Variants in NALF1 observed in about 807,000 individuals in gnomAD.
NALF1 encodes NALCN channel auxiliary factor 1.
In NALF1, 3 loss-of-function variants were observed where a neutral mutation model predicts 48.4. That is an observed-to-expected ratio of 0.06 (90% CI 0.03 to 0.16). NALF1 has a LOEUF of 0.16. NALF1 is among the 10% of genes least tolerant of loss of function. The pLI, the probability that NALF1 is intolerant of heterozygous loss-of-function variation, is 1.00. For synonymous variants in NALF1, 262 were observed against 245.7 expected (o/e 1.07, Z -0.62); for missense variants, 526 against 571.5 (o/e 0.92, Z 0.81).
At chr13:107,650,899 A>C (rs181402534) in intron 1 of NALF1, among the ~76,000 whole-genome samples, 1 of 152,112 alleles carries the variant, frequency 6.6e-6, no homozygotes, top group Non-Finnish European at 1.5e-5. Context: ...AGAGAAGGAA[A>C]TAAGAGACAC....
intron 1 of NALF1, among the ~76,000 whole-genome samples, chr13:107,316,072 A>C (rs866014738): frequency 5.3e-5 from 8 of 151,040 alleles, no homozygotes; most frequent in African/African-American, 1.5e-4. Flanking sequence ...AACAGTCCCC[A>C]GTGTGTGATG....
chr13:107,179,895 C>T (rs910810690), intron 2 of NALF1, among the ~76,000 whole-genome samples: 1 of 146,912 alleles, frequency 6.8e-6, no homozygotes, highest in Non-Finnish European at 1.5e-5. Flanking sequence ...CTACATGTCT[C>T]GGTGTCTTTG....
chr13:107,612,159 G>C (rs1879248642), intron 1 of NALF1, among the ~76,000 whole-genome samples: 1 of 132,042 alleles, frequency 7.6e-6, no homozygotes, highest in Admixed American at 7.6e-5. Context: ...GGGTGGGAGG[G>C]AGAGAGGAAG....
chr13:107,845,904 T>C (rs1334385168), intron 1 of NALF1, among the ~76,000 whole-genome samples: 2 of 152,160 alleles, frequency 1.3e-5, no homozygotes, highest in African/African-American at 2.4e-5. Context: ...ACCTGGAAGA[T>C]AATGGTAGAG....
chr13:107,790,988 G>A (rs1483455359), intron 1 of NALF1, among the ~76,000 whole-genome samples: 2 of 152,056 alleles, frequency 1.3e-5, no homozygotes, highest in African/African-American at 4.8e-5. Context: ...AATCCTGGAA[G>A]GAGATGGTGA....
chr13:107,249,967 T>A (rs1880663891), intron 1 of NALF1, among the ~76,000 whole-genome samples: 1 of 152,094 alleles, frequency 6.6e-6, no homozygotes, highest in Non-Finnish European at 1.5e-5. Context: ...TAGTATCACT[T>A]GATGAGTTTT....
Position 107,406,252 on chromosome 13 carries a change from A to G in NALF1, c.916-195497T>C, listed in dbSNP as rs1477638940. 2.0e-5 allele frequency among the ~76,000 whole-genome samples: 3 copies of G among 152,202 alleles called. No individual in the cohort carries two copies. In the East Asian group the frequency reaches 5.8e-4, roughly 29 times the overall value. ...TTCTTACTTAACAATAATAACATTTAATGTAAATAGATTAAACTTTCCAAT... is the reference window on the plus strand; with the variant it reads ...TTCTTACTTAACAATAATAACATTTGATGTAAATAGATTAAACTTTCCAAT... On this transcript the variant is annotated intron_variant, in intron 1 of 2. Coordinates refer to ENST00000375915, the MANE Select transcript of NALF1 (RefSeq NM_001080396.3).
intron 1 of NALF1, among the ~76,000 whole-genome samples, chr13:107,332,478 A>T (rs1882486962): frequency 6.6e-6 from 1 of 152,226 alleles, no homozygotes; most frequent in African/African-American, 2.4e-5. Flanking sequence ...CCAGTACTGG[A>T]GGCGGCCCTG....
At chr13:107,507,273 T>C (rs1008687964) in intron 1 of NALF1, among the ~76,000 whole-genome samples, 1 of 152,100 alleles carries the variant, frequency 6.6e-6, no homozygotes, top group African/African-American at 2.4e-5. Context: ...TGTAGGTAAC[T>C]GAAGGTTTTT....
chr13:107,591,348 C>T (rs188250186), intron 1 of NALF1, among the ~76,000 whole-genome samples: 20 of 151,976 alleles, frequency 1.3e-4, no homozygotes, highest in Middle Eastern at 3.4e-3. Context: ...TAATAGGCTT[C>T]CATCATTCAG....
chr13:107,408,649 C>G (rs1340741572), intron 1 of NALF1, among the ~76,000 whole-genome samples: 1 of 152,102 alleles, frequency 6.6e-6, no homozygotes, highest in African/African-American at 2.4e-5. Flanking sequence ...CATTCTGTGA[C>G]AGATGACAAT....
intron 1 of NALF1, among the ~76,000 whole-genome samples, chr13:107,443,965 C>A (rs1038626298): frequency 6.6e-6 from 1 of 152,130 alleles, no homozygotes; most frequent in African/African-American, 2.4e-5. Context: ...ATTAATCACA[C>A]AAAATGATTT....
intron 2 of NALF1, among the ~76,000 whole-genome samples, chr13:107,193,297 C>T (rs910614640): frequency 1.3e-5 from 2 of 152,096 alleles, no homozygotes; most frequent in African/African-American, 4.8e-5. Context: ...CTAGAATTTT[C>T]AGAGACCGTT....
At chr13:107,719,597 C>A (rs761176104) in intron 1 of NALF1, among the ~76,000 whole-genome samples, 2 of 152,094 alleles carry the variant, frequency 1.3e-5, no homozygotes, top group Non-Finnish European at 2.9e-5. Context: ...GAACTCAAAG[C>A]AAACAACTAC....
At chr13:107,777,514 T>C (rs1053267503) in intron 1 of NALF1, among the ~76,000 whole-genome samples, 4 of 152,186 alleles carry the variant, frequency 2.6e-5, no homozygotes, top group Non-Finnish European at 5.9e-5. Context: ...GAGTGAGTTC[T>C]CGCAAGATCT....
intron 1 of NALF1, among the ~76,000 whole-genome samples, chr13:107,400,654 A>G (rs1883788755): frequency 6.6e-6 from 1 of 152,130 alleles, no homozygotes; most frequent in African/African-American, 2.4e-5. Flanking sequence ...CAGTGAGCCA[A>G]GATCGTGCCA....
At chr13:107,497,261 T>C (rs1362435317) in intron 1 of NALF1, among the ~76,000 whole-genome samples, 1 of 152,194 alleles carries the variant, frequency 6.6e-6, no homozygotes, top group East Asian at 1.9e-4. Context: ...TAATTTTAGT[T>C]ATACTCTTAA....
At chr13:107,448,788 G>A (rs1235072344) in intron 1 of NALF1, among the ~76,000 whole-genome samples, 4 of 152,106 alleles carry the variant, frequency 2.6e-5, no homozygotes, top group Non-Finnish European at 4.4e-5. Context: ...ATACAAATTC[G>A]AGTCCCAAGG....
chr13:107,684,160 T>C (rs1881373871), intron 1 of NALF1, among the ~76,000 whole-genome samples: 1 of 152,204 alleles, frequency 6.6e-6, no homozygotes, highest in Non-Finnish European at 1.5e-5. Context: ...CGCTCTGTTT[T>C]ACCAACCTCC....
Sources: gnomAD v4.1 joint callset for allele counts (sites outside exome capture counted in the v4.1 genomes callset) on GRCh38, gnomAD v4.1.1 for gene constraint, MANE v1.5 for transcripts, NCBI Gene and HGNC (gene_info 2026-07-23, HGNC 2026-07-21) for gene names.